The following DAPK1 variants were observed in gnomAD, a reference collection of about 807,000 sequenced individuals.
DAPK1 encodes death associated protein kinase 1.
Under a neutral mutation model 144.9 loss-of-function variants are expected in DAPK1, and 56 were observed. The ratio of observed to expected loss-of-function variants is 0.39; its 90% CI spans 0.31 to 0.48. The LOEUF (loss-of-function observed/expected upper bound fraction) is 0.48. DAPK1 is among the 20% of genes least tolerant of loss of function. The pLI is 0.95. For missense variants in DAPK1, 1,454 were observed against 1,875.4 expected, an observed-to-expected ratio of 0.78 and a Z score of 4.15; for synonymous variants, 690 against 749.0, an observed-to-expected ratio of 0.92 and a Z score of 1.29.
chr9:87,673,216 A>G (rs977706876), intron 19 of DAPK1, among the ~76,000 whole-genome samples: 3 of 152,122 alleles, frequency 2.0e-5, no homozygotes, highest in Admixed American at 6.5e-5. Context: ...CTAGGGTGCT[A>G]CCACACTCTG....
intron 2 of DAPK1, among the ~76,000 whole-genome samples, chr9:87,526,675 G>T (rs756393701): frequency 2.0e-5 from 3 of 152,090 alleles, no homozygotes; most frequent in Non-Finnish European, 4.4e-5. Flanking sequence ...GAGGGCAAAG[G>T]TTTTTGGGCA....
intron 3 of DAPK1, among the ~76,000 whole-genome samples, chr9:87,630,236 A>G (rs183703948): frequency 6.6e-4 from 100 of 152,346 alleles, no homozygotes; most frequent in African/African-American, 2.3e-3. Flanking sequence ...TAACTGCAAC[A>G]GTTAGCATGC....
At position 87,573,435 on chromosome 9, in the gene DAPK1, C is replaced by A. The variant is rs181814475; in HGVS notation, c.63-31519C>A. Among the ~76,000 whole-genome samples the A allele has an allele frequency of 7.7e-4, 118 of 152,278 alleles. No homozygotes were observed. The South Asian group carries it at 9.1e-3, about 12-fold the overall frequency. The stretch of plus-strand genomic sequence containing the variant: ...TTTCTGTTCATTGCACACAGTGATA[C>A]AGTAATACAACATCCAGAGATGATG... On this transcript the variant is annotated intron_variant, in intron 2 of 25. Coordinates refer to ENST00000408954, the MANE Select transcript of DAPK1 (RefSeq NM_004938.4).
intron 21 of DAPK1, among the ~76,000 whole-genome samples, chr9:87,696,000 T>TA (rs1587851647): frequency 1.3e-5 from 2 of 152,200 alleles, no homozygotes; most frequent in Non-Finnish European, 2.9e-5. Context: ...GGAGTGTCTG[T>TA]ATTAAGGATA....
At chr9:87,539,502 T>C (rs1825969456) in intron 2 of DAPK1, among the ~76,000 whole-genome samples, 1 of 147,970 alleles carries the variant, frequency 6.8e-6, no homozygotes, top group African/African-American at 2.5e-5. Context: ...TGATCTCGGC[T>C]CACTGCAACC....
At chr9:87,512,695 G>A (rs1824894096) in intron 2 of DAPK1, among the ~76,000 whole-genome samples, 1 of 152,174 alleles carries the variant, frequency 6.6e-6, no homozygotes, top group South Asian at 2.1e-4. Flanking sequence ...CCAGGCTGGA[G>A]TACAGTGGTG....
At chr9:87,640,493 G>C (rs1465204794) in intron 8 of DAPK1, 43 bp downstream of exon 8, 3 of 1,598,478 alleles carry the variant, frequency 1.9e-6, no homozygotes, top group Non-Finnish European at 2.6e-6. Flanking sequence ...CACGGCCTCA[G>C]CCAGCCCAGA....
At chr9:87,501,748 AC>A (rs1824410680) in intron 2 of DAPK1, among the ~76,000 whole-genome samples, 1 of 152,176 alleles carries the variant, frequency 6.6e-6, no homozygotes, top group African/African-American at 2.4e-5. Context: ...ATTTGTGTGT[AC>A]TGCCTAAGAC....
At chr9:87,699,186 A>G (rs1045332041) in intron 23 of DAPK1, among the ~76,000 whole-genome samples, 4 of 152,334 alleles carry the variant, frequency 2.6e-5, no homozygotes, top group South Asian at 2.1e-4. Context: ...CATTTTTATT[A>G]AAACAATGAA....
At chr9:87,584,448 A>G (rs969623175) in intron 2 of DAPK1, among the ~76,000 whole-genome samples, 1 of 151,398 alleles carries the variant, frequency 6.6e-6, no homozygotes, top group Non-Finnish European at 1.5e-5. Context: ...TACTGATTTC[A>G]TTTGCTTTGG....
intron 2 of DAPK1, among the ~76,000 whole-genome samples, chr9:87,570,044 T>G (rs1289582772): frequency 6.6e-6 from 1 of 152,230 alleles, no homozygotes; most frequent in African/African-American, 2.4e-5. Flanking sequence ...GTGTGTTTTT[T>G]CCTGCATCAG....
At chr9:87,510,612 A>T (rs762344169) in intron 2 of DAPK1, among the ~76,000 whole-genome samples, 5 of 152,154 alleles carry the variant, frequency 3.3e-5, no homozygotes, top group Admixed American at 6.5e-5. Context: ...TCCCCTGTGG[A>T]CTGTGAGTTT....
chr9:87,592,753 C>T (rs1828183194), intron 2 of DAPK1, among the ~76,000 whole-genome samples: 1 of 152,094 alleles, frequency 6.6e-6, no homozygotes, highest in South Asian at 2.1e-4. Context: ...TGAGAGAATA[C>T]TCAGGCTTCC....
chr9:87,564,329 C>T (rs1197632788), intron 2 of DAPK1, among the ~76,000 whole-genome samples: 4 of 152,076 alleles, frequency 2.6e-5, no homozygotes, highest in Non-Finnish European at 5.9e-5. Context: ...CCTGGCTGTC[C>T]CATTCACTGA....
chr9:87,622,592 A>G (rs981106579), intron 3 of DAPK1, among the ~76,000 whole-genome samples: 2 of 152,170 alleles, frequency 1.3e-5, no homozygotes, highest in African/African-American at 2.4e-5. Flanking sequence ...GCCTCCTTAT[A>G]TTCCACATAA....
In DAPK1 at chr9:87,602,161, G is replaced by A. The variant is rs181582482; in HGVS notation, c.63-2793G>A. Among the ~76,000 whole-genome samples the A allele has an allele frequency of 3.9e-5, 6 of 152,212 alleles. No individual in the cohort carries two copies. In the East Asian group the frequency reaches 5.8e-4, roughly 15 times the overall value. On this transcript the variant is annotated intron_variant, in intron 2 of 25. Coordinates refer to ENST00000408954, the MANE Select transcript of DAPK1 (RefSeq NM_004938.4). Reference sequence around the variant, plus strand: ...GGGGTGTCAGGGAAGAATAGGGAACGGTATCTTAAAAGAGGTGACATTGCA... The same window carrying A: ...GGGGTGTCAGGGAAGAATAGGGAACAGTATCTTAAAAGAGGTGACATTGCA...
chr9:87,582,737 T>A (rs1392859200), intron 2 of DAPK1, among the ~76,000 whole-genome samples: 2 of 152,004 alleles, frequency 1.3e-5, no homozygotes, highest in African/African-American at 4.8e-5. Flanking sequence ...GTATTTTTAG[T>A]AGAGACGGGG....
chr9:87,585,098 T>C (rs1171056236), intron 2 of DAPK1, among the ~76,000 whole-genome samples: 1 of 152,256 alleles, frequency 6.6e-6, no homozygotes, highest in Non-Finnish European at 1.5e-5. Context: ...CATTATCAGA[T>C]GTATAGTTTC....
intron 3 of DAPK1, among the ~76,000 whole-genome samples, chr9:87,612,144 G>A (rs73496262): frequency 0.01 from 1,578 of 152,246 alleles, 22 homozygotes; most frequent in African/African-American, 0.033. Context: ...GAGCCCTTAT[G>A]GCCTAAATTT....
Sources: gnomAD v4.1 joint callset for allele counts (sites outside exome capture counted in the v4.1 genomes callset) on GRCh38, gnomAD v4.1.1 for gene constraint, MANE v1.5 for transcripts, NCBI Gene and HGNC (gene_info 2026-07-23, HGNC 2026-07-21) for gene names.